QARS1: variants seen among roughly 807,000 people sequenced by gnomAD.
QARS1 encodes glutaminyl-tRNA synthetase 1.
A neutral mutation model predicts 106.9 loss-of-function variants in QARS1; 79 were observed. The ratio of observed to expected loss-of-function variants is 0.74; its 90% CI spans 0.62 to 0.89. QARS1 has a LOEUF of 0.89. Ranked by LOEUF, QARS1 falls within the 40% of genes least tolerant of loss-of-function variation. QARS1 has a pLI of 0.00. For synonymous variants in QARS1, 395 were observed against 367.7 expected (o/e 1.07, Z -0.85); for missense variants, 966 against 997.2 (o/e 0.97, Z 0.42).
At position 49,100,475 on chromosome 3, in the gene QARS1, C is replaced by T. The variant is rs1390171594; in HGVS notation, c.977-17G>A. The T allele has an allele frequency of 1.9e-6, 3 of 1,613,272 alleles. No homozygotes were observed. The highest frequency in any genetic ancestry group is 1.1e-5 in the South Asian group (1 of 91,066). On this transcript the variant is annotated splice_polypyrimidine_tract_variant and intron_variant, in intron 11 of 23. Coordinates refer to ENST00000306125, the MANE Select transcript of QARS1 (RefSeq NM_005051.3). ...GTGTGTAGCCTGGGGCAAAATGAAA[C>T]AAAGTATGAGCAGCCAGCCACAAAC...
At chr3:49,100,154 G>C in intron 13 of QARS1, 36 bp downstream of exon 13, 1 of 1,614,178 alleles carries the variant, frequency 6.2e-7, no homozygotes. Flanking sequence ...CAGCACCTTG[G>C]CCCACCCAAA....
chr3:49,097,617 A>G (rs2042408919), intron 23 of QARS1, among the ~76,000 whole-genome samples: 2 of 152,010 alleles, frequency 1.3e-5, no homozygotes. Context: ...CAACATGGTG[A>G]AACCCCATCT....
chr3:49,101,537 T>G, intron 9 of QARS1, 83 bp downstream of exon 9: 2 of 1,573,810 alleles, frequency 1.3e-6, no homozygotes, highest in Non-Finnish European at 8.7e-7. Context: ...TGGTGATGGG[T>G]GAGATGGGGC....
rs1468382416 is a variant in QARS1 at position 49,099,168 on chromosome 3, C to T, written c.1700G>A (p.Arg567Gln). Reference protein sequence around the residue: ...VRDVLNDTAPRAMAVLESLRV... With the variant: ...VRDVLNDTAPQAMAVLESLRV... ...TAGTGACTCCAGCACAGCCATGGCT[C>T]GTGGGGCTGTGTCATTCAGCACATC... The change falls in exon 18 of 24, where the codon CGA (arginine) becomes CAA (glutamine). Residue 567 changes from arginine (R) to glutamine (Q), a missense_variant. Physicochemically the swap from Arg to Gln is conservative, Grantham distance 43. Transcript: ENST00000306125. 8 of 1,614,142 alleles carry T rather than the reference C, an allele frequency of 5.0e-6. No individual in the cohort carries two copies. Among genetic ancestry groups the T allele is most frequent in the Non-Finnish European group, 6.8e-6 (8 of 1,180,016 alleles).
At position 49,099,571 on chromosome 3, in the gene QARS1, G is replaced by A; in HGVS notation, c.1465C>T (p.Leu489=). ...PVQWEYGRLN[L]HYAVVSKRKI... ...CTCTTAGAGACAACAGCATAGTGCA[G>A]GTTGAGGCGGCCATACTCCCACTGC... Residue 489 remains leucine, a synonymous_variant, in exon 16 of 24, where the codon CTG becomes TTG. Transcript: ENST00000306125. 1 of 1,614,230 alleles carries A rather than the reference G, an allele frequency of 6.2e-7. No individual in the cohort carries two copies. The highest frequency in any genetic ancestry group is 1.3e-5 in the African/African-American group (1 of 75,056).
At chr3:49,104,175 C>A (rs2042508100) in intron 2 of QARS1, 149 bp downstream of exon 2, 7 of 1,272,192 alleles carry the variant, frequency 5.5e-6, no homozygotes, top group Middle Eastern at 1.9e-4. Context: ...CCGTGTCAGT[C>A]TCACCATAGG....
Position 49,101,636 on chromosome 3 carries a change from T to G in QARS1, c.773A>C (p.Glu258Ala). 2.5e-6 allele frequency: 4 copies of G among 1,613,714 alleles called. No individual in the cohort carries two copies. ...CCCACACACCTGCCCACCAGTAATC[T>G]CCAGGTGCTGCTTTAGTAGATTCAT... is the stretch of plus-strand genomic sequence containing the variant. ...HTMNLLKQHL[E>A]ITGGQVRTRF... is the part of the protein sequence containing the mutation. The change falls in exon 9 of 24, where the codon GAG becomes GCG. Residue 258 changes from glutamate (E) to alanine (A), a missense_variant. Transcript: ENST00000306125.
In QARS1 at chr3:49,099,633, A is replaced by G. The variant is rs2042440184; in HGVS notation, c.1403T>C (p.Phe468Ser). Residue 468 changes from phenylalanine (F) to serine (S), a missense_variant, in exon 16 of 24, where the codon TTC becomes TCC. Phe to Ser is a radical substitution (Grantham distance 155, BLOSUM62 -2). Transcript: ENST00000306125. ...GACGTCCAGTGCATTGCAAAGCCAG[A>G]AGTAGGAAGAGCGTCTGGGGTGGGA... ...KEFQARRSSY[F>S]WLCNALDVYC... 6.2e-7 allele frequency: 1 copy of G among 1,614,146 alleles called. No individual in the cohort carries two copies. The highest frequency in any genetic ancestry group is 8.5e-7 in the Non-Finnish European group (1 of 1,180,008).
Position 49,101,398 on chromosome 3 carries a change from A to G in QARS1, c.833T>C (p.Ile278Thr), listed in dbSNP as rs2107106208. 1 of 1,614,180 alleles carries G rather than the reference A, an allele frequency of 6.2e-7. No homozygotes were observed. The highest frequency in any genetic ancestry group is 8.5e-7 in the Non-Finnish European group (1 of 1,179,992). The part of the protein sequence containing the change: ...FPPEPNGILH[I>T]GHAKAINFNF... ...GAAATTGATGGCTTTGGCATGTCCA[A>G]TATGCAGGATTCCATTGGGTTCTGG... The change falls in exon 10 of 24, where the codon ATT (isoleucine) becomes ACT (threonine). Residue 278 changes from isoleucine (I) to threonine (T), a missense_variant. Physicochemically the swap from Ile to Thr is moderately conservative, Grantham distance 89. Coordinates refer to ENST00000306125, the MANE Select transcript of QARS1 (RefSeq NM_005051.3).
rs773296739 is a variant in QARS1, at chr3:49,098,605, C to T, written c.1951G>A (p.Val651Ile). 3 of 1,610,734 alleles carry T rather than the reference C, an allele frequency of 1.9e-6. No homozygotes were observed. The highest frequency in any genetic ancestry group is 1.3e-5 in the African/African-American group (1 of 74,968). The change falls in exon 20 of 24, where the codon GTC becomes ATC. Residue 651 changes from valine (V) to isoleucine (I), a missense_variant. Physicochemically the swap from Val to Ile is conservative, Grantham distance 29. Transcript: ENST00000306125. ...AGGCTGCAGCTGGCTCTCACCTTGACAACATGCTGCAGCTCAATGACGTAG... is the reference window on the plus strand; with the variant it reads ...AGGCTGCAGCTGGCTCTCACCTTGATAACATGCTGCAGCTCAATGACGTAG... ...TGYVIELQHVVKGPSGCVESL... is the reference protein window; with the variant it reads ...TGYVIELQHVIKGPSGCVESL...
At chr3:49,100,887 G>T in intron 10 of QARS1, 3 of 666,942 alleles carry the variant, frequency 4.5e-6, no homozygotes, top group Non-Finnish European at 8.2e-6. Context: ...AACTACAAGC[G>T]TGTGCCACCA....
intron 23 of QARS1, among the ~76,000 whole-genome samples, chr3:49,096,725 G>A (rs1221348516): frequency 5.5e-5 from 8 of 145,140 alleles, no homozygotes; most frequent in African/African-American, 1.3e-4. Flanking sequence ...GCGTGAACCC[G>A]GGAGGCAGAG....
chr3:49,102,600 C>T, intron 5 of QARS1, 128 bp from the exon 6 acceptor site: 1 of 934,560 alleles, frequency 1.1e-6, no homozygotes, highest in Admixed American at 2.0e-5. Flanking sequence ...CCTACCTAGC[C>T]CATCCCATCT....
chr3:49,101,280 G>A, intron 10 of QARS1, 75 bp downstream of exon 10: 4 of 1,175,774 alleles, frequency 3.4e-6, no homozygotes, highest in South Asian at 1.4e-5. Flanking sequence ...CAGACAGCAA[G>A]GCAGGGATAT....
At chr3:49,100,521 C>T (rs940377001) in intron 11 of QARS1, 54 bp downstream of exon 11, 20 of 1,599,376 alleles carry the variant, frequency 1.3e-5, no homozygotes, top group Non-Finnish European at 1.5e-5. Context: ...CAGGCCATGG[C>T]CCAAGGAGAG....
intron 10 of QARS1, 91 bp from the exon 11 acceptor site, chr3:49,100,765 A>G: frequency 8.8e-7 from 1 of 1,134,832 alleles, no homozygotes; most frequent in South Asian, 1.2e-5. Context: ...GAGCACTCTC[A>G]TGTCAGAATT....
Position 49,101,414 on chromosome 3 carries a change from TG to T in QARS1, c.816del (p.Asn273MetfsTer50). The T allele has an allele frequency of 6.2e-7, 1 of 1,614,114 alleles. No homozygotes were observed. The highest frequency in any genetic ancestry group is 8.5e-7 in the Non-Finnish European group (1 of 1,179,956). On this transcript the variant is annotated frameshift_variant, in exon 10 of 24. Transcript: ENST00000306125. LOFTEE classifies it high-confidence loss of function. ...GQVRTRFPPE[P>X]NGILHIGHAK... ...GCATGTCCAATATGCAGGATTCCAT[TG>T]GGTTCTGGCGGGAACCGGGTACGTA...
intron 23 of QARS1, among the ~76,000 whole-genome samples, 193 bp downstream of exon 23, chr3:49,097,799 A>G (rs892577077): frequency 1.3e-5 from 2 of 152,134 alleles, no homozygotes; most frequent in African/African-American, 4.8e-5. Flanking sequence ...TGTCTCAAAA[A>G]AAAAGGCAGC....
At chr3:49,102,006 A>G (rs1031581853) in intron 7 of QARS1, 107 bp from the exon 8 acceptor site, 2 of 1,363,404 alleles carry the variant, frequency 1.5e-6, no homozygotes, top group Admixed American at 2.2e-5. Context: ...CAGAGACAAG[A>G]TATCTAGAGC....
Sources: allele counts gnomAD v4.1 joint callset (sites outside exome capture counted in the v4.1 genomes callset), GRCh38; gene constraint gnomAD v4.1.1; transcripts MANE v1.5; gene names NCBI Gene and HGNC (gene_info 2026-07-23, HGNC 2026-07-21).